GRK5: variants seen among roughly 807,000 people sequenced by gnomAD.
The protein encoded by GRK5 is g protein-coupled receptor kinase GRK5.
A neutral mutation model predicts 78.4 loss-of-function variants in GRK5; 40 were observed. The ratio of observed to expected loss-of-function variants is 0.51; its 90% CI spans 0.40 to 0.66. GRK5 has a LOEUF of 0.66. Ranked by LOEUF, GRK5 falls within the 30% of genes least tolerant of loss-of-function variation. The pLI, the probability that GRK5 is intolerant of heterozygous loss-of-function variation, is 0.00. For synonymous variants in GRK5, 289 were observed against 296.8 expected (o/e 0.97, Z 0.27); for missense variants, 598 against 759.9 (o/e 0.79, Z 2.50).
intron 1 of GRK5, among the ~76,000 whole-genome samples, chr10:119,215,274 T>C (rs1216966771): frequency 1.3e-5 from 2 of 152,118 alleles, no homozygotes; most frequent in Non-Finnish European, 2.9e-5. Context: ...GGGCCATGCA[T>C]ATAGAACATT....
intron 9 of GRK5, among the ~76,000 whole-genome samples, chr10:119,437,319 C>G (rs915736269): frequency 1.4e-3 from 215 of 152,228 alleles, no homozygotes; most frequent in African/African-American, 4.8e-3. Flanking sequence ...TCTTCACCCC[C>G]TCTCCCCACC....
intron 15 of GRK5, among the ~76,000 whole-genome samples, chr10:119,454,137 T>A (rs1853353598): frequency 6.6e-6 from 1 of 152,150 alleles, no homozygotes; most frequent in Admixed American, 6.5e-5. Context: ...AATATAAAAA[T>A]ACAACGCTTC....
intron 1 of GRK5, among the ~76,000 whole-genome samples, chr10:119,260,713 G>T (rs976152247): frequency 1.3e-5 from 2 of 151,216 alleles, no homozygotes; most frequent in African/African-American, 4.8e-5. Context: ...AGAGAGCACA[G>T]GGTTGGGGGT....
At chr10:119,423,755 C>T (rs955812216) in intron 5 of GRK5, among the ~76,000 whole-genome samples, 6 of 152,152 alleles carry the variant, frequency 3.9e-5, no homozygotes, top group Non-Finnish European at 7.4e-5. Context: ...ACTCTGAAGG[C>T]ATGAGCACTG....
chr10:119,218,359 T>G (rs1848609094), intron 1 of GRK5, among the ~76,000 whole-genome samples: 1 of 152,016 alleles, frequency 6.6e-6, no homozygotes, highest in Non-Finnish European at 1.5e-5. Context: ...AACTGCTGGA[T>G]GGAGAGAACC....
chr10:119,300,040 G>T (rs1467287191), intron 1 of GRK5, among the ~76,000 whole-genome samples: 2 of 151,968 alleles, frequency 1.3e-5, no homozygotes, highest in Non-Finnish European at 2.9e-5. Flanking sequence ...TTTTCTTCCT[G>T]GTGTACTCAG....
intron 2 of GRK5, among the ~76,000 whole-genome samples, chr10:119,369,819 T>C (rs1426525813): frequency 6.6e-6 from 1 of 152,074 alleles, no homozygotes; most frequent in East Asian, 1.9e-4. Context: ...CTTTCCGATA[T>C]GCCAGGCCCC....
At chr10:119,241,353 G>A (rs529304767) in intron 1 of GRK5, among the ~76,000 whole-genome samples, 1 of 152,340 alleles carries the variant, frequency 6.6e-6, no homozygotes, top group African/African-American at 2.4e-5. Context: ...AGGGATGCAT[G>A]CCAGATGGCC....
intron 8 of GRK5, among the ~76,000 whole-genome samples, chr10:119,436,438 C>T (rs745925524): frequency 6.6e-6 from 1 of 152,242 alleles, no homozygotes; most frequent in Non-Finnish European, 1.5e-5. Flanking sequence ...TTGGCCTTCT[C>T]ACCTTGATCC....
intron 2 of GRK5, among the ~76,000 whole-genome samples, chr10:119,365,584 G>A (rs956356921): frequency 6.6e-6 from 1 of 152,170 alleles, no homozygotes; most frequent in Admixed American, 6.5e-5. Context: ...ACCTCCCCAC[G>A]CTGTTCATAA....
chr10:119,357,941 G>A (rs1851291107), intron 2 of GRK5, among the ~76,000 whole-genome samples: 1 of 152,192 alleles, frequency 6.6e-6, no homozygotes, highest in African/African-American at 2.4e-5. Flanking sequence ...CCAAGCCAGG[G>A]GTGGGCAGCG....
At chr10:119,324,875 C>T (rs1017517244) in intron 1 of GRK5, among the ~76,000 whole-genome samples, 1 of 151,764 alleles carries the variant, frequency 6.6e-6, no homozygotes, top group Non-Finnish European at 1.5e-5. Context: ...GGTGGAGCCT[C>T]ACCACGGCAG....
At chr10:119,429,861 G>A (rs1852779981) in intron 6 of GRK5, among the ~76,000 whole-genome samples, 2 of 152,184 alleles carry the variant, frequency 1.3e-5, no homozygotes, top group Non-Finnish European at 2.9e-5. Flanking sequence ...AGTGCCCTCA[G>A]GAAGGAATAA....
Position 119,453,242 on chromosome 10 carries a change from A to G in GRK5, c.1640A>G (p.Lys547Arg). 6.2e-7 allele frequency: 1 copy of G among 1,614,066 alleles called. No individual in the cohort carries two copies. The highest frequency in any genetic ancestry group is 8.5e-7 in the Non-Finnish European group (1 of 1,179,984). Residue 547 changes from lysine to arginine, a missense_variant, in exon 15 of 16, where the codon AAG becomes AGG. Lys to Arg is a conservative substitution (Grantham distance 26). Coordinates refer to ENST00000392870, the MANE Select transcript of GRK5 (RefSeq NM_005308.3). ...AGAAACCACCCTCCGGAACCGCCCA[A>G]GAAAGGGCTGCTCCAGAGACTCTTC... ...LNRNHPPEPP[K>R]KGLLQRLFKR...
At chr10:119,301,422 G>A (rs1319682536) in intron 1 of GRK5, among the ~76,000 whole-genome samples, 1 of 152,208 alleles carries the variant, frequency 6.6e-6, no homozygotes. Context: ...TCTCGCTGCT[G>A]AGTCCTATTC....
intron 2 of GRK5, chr10:119,333,735 T>G (rs1216868834): frequency 3.8e-6 from 2 of 530,598 alleles, no homozygotes; most frequent in Admixed American, 1.9e-5. Flanking sequence ...TCAATGCATG[T>G]TTAGTGAGCA....
intron 15 of GRK5, 114 bp downstream of exon 15, chr10:119,453,390 G>T: frequency 8.0e-7 from 1 of 1,252,252 alleles, no homozygotes; most frequent in Non-Finnish European, 1.1e-6. Context: ...GAAGTCTGGG[G>T]CAGTAGCAGC....
At chr10:119,328,108 C>T (rs76667477) in intron 2 of GRK5, among the ~76,000 whole-genome samples, 7,067 of 152,296 alleles carry the variant, frequency 0.046, 282 homozygotes, top group East Asian at 0.22. Flanking sequence ...CTGGTGCCCT[C>T]GTCGGGAGAC....
rs141108413 is a variant in GRK5, at chr10:119,424,803, C to T, written c.441-190C>T. 5.3e-5 allele frequency among the ~76,000 whole-genome samples: 8 copies of T among 152,286 alleles called. 1 individual carries two copies. The East Asian group carries it at 1.5e-3, about 29-fold the overall frequency. On this transcript the variant is annotated intron_variant, in intron 5 of 15. Transcript: ENST00000392870. ...TGCCCAACACTTGGCAGGTACCCAA[C>T]AAGTGTTGGCAGGACCAACCAATTT...
Sources: gnomAD v4.1 joint callset for allele counts (sites outside exome capture counted in the v4.1 genomes callset) on GRCh38, gnomAD v4.1.1 for gene constraint, MANE v1.5 for transcripts, NCBI Gene and HGNC (gene_info 2026-07-23, HGNC 2026-07-21) for gene names.